Variants in MCTP1 observed in about 807,000 individuals in gnomAD.
The protein encoded by MCTP1 is multiple C2 and transmembrane domain containing 1, also known as multiple C2 and transmembrane domain-containing protein 1.
In MCTP1, 69 loss-of-function variants were observed where a neutral mutation model predicts 120.6. That is an observed-to-expected ratio of 0.57 (90% CI 0.47 to 0.70). The LOEUF is 0.70. MCTP1 is among the 30% of genes least tolerant of loss of function. The probability of loss-of-function intolerance (pLI) is 0.00; values close to 1 mark genes in which losing one functional copy is unlikely to be tolerated. For missense variants in MCTP1, 1,203 were observed against 1,248.8 expected (o/e 0.96, Z 0.55); for synonymous variants, 529 against 493.1 (o/e 1.07, Z -0.96).
chr5:94,711,546 ATAAT>A (rs1306554282), intron 20 of MCTP1, among the ~76,000 whole-genome samples: 3 of 152,156 alleles, frequency 2.0e-5, no homozygotes, highest in African/African-American at 7.2e-5. Context: ...AAGTACATAG[ATAAT>A]TAATAAAATC....
rs569542480 is a variant in MCTP1 at position 95,120,227 on chromosome 5, G to C, written c.721-102743C>G. 4.7e-5 allele frequency among the ~76,000 whole-genome samples: 7 copies of C among 148,740 alleles called. No homozygotes were observed. In the South Asian group the frequency reaches 1.5e-3, roughly 32 times the overall value. ...GCTACGAAAAGTCCAGGACTCAGTAGCTTCACTGCTGAATTTCATCAAACA... is the reference window on the plus strand; with the variant it reads ...GCTACGAAAAGTCCAGGACTCAGTACCTTCACTGCTGAATTTCATCAAACA... On this transcript the variant is annotated intron_variant, in intron 1 of 22. Transcript: ENST00000515393.
intron 12 of MCTP1, among the ~76,000 whole-genome samples, chr5:94,882,841 C>A (rs1008955485): frequency 6.6e-6 from 1 of 152,188 alleles, no homozygotes; most frequent in African/African-American, 2.4e-5. Context: ...TCTTCCAGGG[C>A]AGTATCTTCT....
rs1188926574 is a variant in MCTP1 at position 94,704,384 on chromosome 5, A to C, written c.*3112T>G. ...TTTTGTTTGTTCTTAATGCTTAGTC[A>C]ACATTATAAACATTTAGGCCCATTT... On this transcript the variant is annotated 3_prime_UTR_variant, in exon 23 of 23. Coordinates refer to ENST00000515393, the MANE Select transcript of MCTP1 (RefSeq NM_024717.7). 6.6e-6 allele frequency: 1 copy of C among 151,528 alleles called. No individual in the cohort carries two copies. The highest frequency in any genetic ancestry group is 1.5e-5 in the Non-Finnish European group (1 of 67,650). The allele number at this position is 151,528 out of a possible 1,614,324, so 9.4% of individuals were successfully genotyped here.
rs1780962741 is a variant in MCTP1, at chr5:94,800,381, T to C, written c.2437-1249A>G. On this transcript the variant is annotated intron_variant, in intron 17 of 22. Transcript: ENST00000515393. ...GCTGGTTGGAATAACACAAACATCT[T>C]GCATTTGATAGGTCAGGAGAGTTAG... 1.3e-5 allele frequency among the ~76,000 whole-genome samples: 2 copies of C among 152,148 alleles called. 1 individual carries two copies. The highest frequency in any genetic ancestry group is 4.1e-4 in the South Asian group (2 of 4,832).
chr5:95,168,298 G>C (rs1746715035), intron 1 of MCTP1, among the ~76,000 whole-genome samples: 2 of 152,128 alleles, frequency 1.3e-5, no homozygotes. Flanking sequence ...GGTTACTGTA[G>C]CCTTGTAGTG....
chr5:94,924,077 A>G, intron 6 of MCTP1, 56 bp from the exon 7 acceptor site: 3 of 1,024,378 alleles, frequency 2.9e-6, no homozygotes, highest in Non-Finnish European at 4.2e-6. Flanking sequence ...AATAATTAAT[A>G]TTGTAAATAC....
At chr5:95,111,041 G>A (rs1324842564) in intron 1 of MCTP1, among the ~76,000 whole-genome samples, 1 of 152,144 alleles carries the variant, frequency 6.6e-6, no homozygotes, top group Non-Finnish European at 1.5e-5. Flanking sequence ...CTAATAATGT[G>A]AAGGATTCAT....
Position 95,133,754 on chromosome 5 carries a change from G to A in MCTP1, c.721-116270C>T, listed in dbSNP as rs73777306. On this transcript the variant is annotated intron_variant, in intron 1 of 22. Transcript: ENST00000515393. ...TACTGTACTGTACTCACGTATTTTT[G>A]AGCTCTGGTTAACCATGGGTGACTG... 3.4e-3 allele frequency among the ~76,000 whole-genome samples: 514 copies of A among 152,226 alleles called. 5 individuals are homozygous for A. Among genetic ancestry groups the A allele is most frequent in the African/African-American group, 0.012 (493 of 41,546 alleles).
intron 17 of MCTP1, among the ~76,000 whole-genome samples, chr5:94,808,875 TTA>T: frequency 6.6e-6 from 1 of 152,180 alleles, no homozygotes; most frequent in Non-Finnish European, 1.5e-5. Context: ...TTCTTTGGAT[TTA>T]CTAGGATGAA....
chr5:95,272,094 GTGAAAAATATGA>G (rs1295490026), intron 1 of MCTP1, among the ~76,000 whole-genome samples: 1 of 152,124 alleles, frequency 6.6e-6, no homozygotes, highest in Non-Finnish European at 1.5e-5. Context: ...TTTGACTCCA[GTGAAAAATATGA>G]TATGCATGAA....
rs73776336 is a variant in MCTP1 at position 95,240,311 on chromosome 5, A to C, written c.720+43545T>G. Among the ~76,000 whole-genome samples, 949 of 152,322 alleles carry C rather than the reference A, an allele frequency of 6.2e-3. 11 individuals are homozygous for C. The highest frequency in any genetic ancestry group is 0.021 in the African/African-American group (872 of 41,558). On this transcript the variant is annotated intron_variant, in intron 1 of 22. Transcript: ENST00000515393. ...AAGCTGATATTCAGATACTGACCTT[A>C]AGTTTGAGAATCATGCCTTGCACAC...
At chr5:95,055,625 T>G (rs1029719773) in intron 1 of MCTP1, among the ~76,000 whole-genome samples, 7 of 152,214 alleles carry the variant, frequency 4.6e-5, no homozygotes, top group African/African-American at 1.7e-4. Context: ...CTAGTAGTAG[T>G]CTATTAAGCT....
In MCTP1 at chr5:95,259,792, C is replaced by T. The variant is rs533614035; in HGVS notation, c.720+24064G>A. ...CTATCACAGTATTCTCCCCTGCCAC[C>T]GGTACAATCCTGCTTCAGCAAAAAA... On this transcript the variant is annotated intron_variant, in intron 1 of 22. Coordinates refer to ENST00000515393, the MANE Select transcript of MCTP1 (RefSeq NM_024717.7). Among the ~76,000 whole-genome samples the T allele has an allele frequency of 5.9e-5, 9 of 152,210 alleles. No individual in the cohort carries two copies. In the South Asian group the frequency reaches 8.3e-4, roughly 14 times the overall value.
rs149890796 is a variant in MCTP1, at chr5:95,055,782, C to T, written c.721-38298G>A. 5.1e-3 allele frequency among the ~76,000 whole-genome samples: 779 copies of T among 152,252 alleles called. 6 individuals are homozygous for T. The highest frequency in any genetic ancestry group is 0.018 in the African/African-American group (736 of 41,540). Reference sequence around the variant, plus strand: ...ATATCATTAGGCCTCAGTTTCCTCACCTGTAAAGTAGGATCAATAATATCT... The same window carrying T: ...ATATCATTAGGCCTCAGTTTCCTCATCTGTAAAGTAGGATCAATAATATCT... On this transcript the variant is annotated intron_variant, in intron 1 of 22. Coordinates refer to ENST00000515393, the MANE Select transcript of MCTP1 (RefSeq NM_024717.7).
rs774151998 is a variant in MCTP1, at chr5:95,284,172, C to G, written c.404G>C (p.Gly135Ala). 7 of 1,573,798 alleles carry G rather than the reference C, an allele frequency of 4.4e-6. No individual in the cohort carries two copies. The South Asian group carries it at 6.9e-5, about 15-fold the overall frequency. ...CGCTGCTCCCGAGGCCGCCGCGGGC[C>G]CCTTTACGGCGGGGAGCAAATGCTC... ...IREHLLPAVK[G>A]PAAASGAAGG... The change falls in exon 1 of 23, where the codon GGG becomes GCG. Residue 135 changes from glycine to alanine, a missense_variant. Around this residue, in one of 2 missense-constraint regions of MCTP1, gnomAD observed 463 missense variants for 377.8 expected, o/e 1.23. Transcript: ENST00000515393. The surrounding 1 kb of genome is among the most constrained non-coding windows in gnomAD (Gnocchi z 5.2).
intron 17 of MCTP1, among the ~76,000 whole-genome samples, chr5:94,861,060 C>T (rs186063289): frequency 6.5e-4 from 99 of 151,754 alleles, no homozygotes; most frequent in Non-Finnish European, 1.2e-3. Context: ...ATTTTCTCTT[C>T]GTTATTTCAG....
intron 17 of MCTP1, among the ~76,000 whole-genome samples, chr5:94,800,687 C>T (rs916716857): frequency 1.3e-5 from 2 of 151,932 alleles, no homozygotes; most frequent in Non-Finnish European, 2.9e-5. Flanking sequence ...ATTACTGTAC[C>T]ATCCGTTTTT....
intron 1 of MCTP1, among the ~76,000 whole-genome samples, chr5:95,269,169 A>G (rs1267795460): frequency 6.6e-6 from 1 of 152,218 alleles, no homozygotes; most frequent in Non-Finnish European, 1.5e-5. Context: ...CTGACGTAAG[A>G]CTAAGATTTC....
intron 17 of MCTP1, among the ~76,000 whole-genome samples, chr5:94,865,788 C>T (rs1796689907): frequency 6.6e-6 from 1 of 151,848 alleles, no homozygotes; most frequent in African/African-American, 2.4e-5. Flanking sequence ...GCTGTGTGGC[C>T]TTGGGCAAGC....
Sources: gnomAD v4.1 joint callset for allele counts (sites outside exome capture counted in the v4.1 genomes callset) on GRCh38, gnomAD v4.1.1 for gene constraint, gnomAD v4.1.1 regional missense constraint, Gnocchi (gnomAD v3.1) non-coding constraint, MANE v1.5 for transcripts, NCBI Gene and HGNC (gene_info 2026-07-23, HGNC 2026-07-21) for gene names.